ATP13A3: variants seen among roughly 807,000 people sequenced by gnomAD.
ATP13A3 encodes polyamine-transporting ATPase 13A3.
ATP13A3 carries 59 observed loss-of-function variants against 158.1 expected under a neutral mutation model. The observed-to-expected ratio is 0.37, with a 90% CI of 0.30 to 0.46. The LOEUF is 0.46. Among genes scored for constraint, ATP13A3 ranks in the 20% least tolerant of loss-of-function variants. ATP13A3 has a pLI of 1.00. For synonymous variants in ATP13A3, 491 were observed against 504.3 expected (o/e 0.97, Z 0.35); for missense variants, 1,166 against 1,525.2 (o/e 0.76, Z 3.92).
chr3:194,441,598 C>A, intron 15 of ATP13A3, 137 bp from the exon 16 acceptor site: 1 of 759,100 alleles, frequency 1.3e-6, no homozygotes, highest in Non-Finnish European at 2.0e-6. Context: ...GAGAAACTGT[C>A]AAGTGTCAGA....
At chr3:194,441,258 T>C in intron 16 of ATP13A3, 53 bp downstream of exon 16, 1 of 1,438,378 alleles carries the variant, frequency 7.0e-7, no homozygotes, top group Non-Finnish European at 9.6e-7. Flanking sequence ...GGTAATTTAA[T>C]TTTTAACTAT....
chr3:194,417,715 G>T (rs562551211), intron 31 of ATP13A3, among the ~76,000 whole-genome samples: 1 of 152,180 alleles, frequency 6.6e-6, no homozygotes, highest in African/African-American at 2.4e-5. Context: ...GAGGCAGGAG[G>T]ATCACTTGAG....
chr3:194,441,207 G>A (rs1718030043), intron 16 of ATP13A3, 104 bp downstream of exon 16: 1 of 901,870 alleles, frequency 1.1e-6, no homozygotes, highest in Admixed American at 2.6e-5. Context: ...GTACAAGATA[G>A]ACTGTCATTA....
chr3:194,469,430 C>T (rs185144869), intron 2 of ATP13A3, among the ~76,000 whole-genome samples: 8 of 151,808 alleles, frequency 5.3e-5, no homozygotes, highest in African/African-American at 1.7e-4. Flanking sequence ...CACTGCACTC[C>T]GGCCTGGGAA....
chr3:194,462,935 T>C (rs561396903), intron 2 of ATP13A3, among the ~76,000 whole-genome samples: 16 of 152,230 alleles, frequency 1.1e-4, no homozygotes, highest in Non-Finnish European at 2.1e-4. Flanking sequence ...TCTTCCTTTT[T>C]CATTCCACAG....
Position 194,441,441 on chromosome 3 carries a change from T to A in ATP13A3, c.1580A>T (p.Asn527Ile), listed in dbSNP as rs528612672. Reference sequence around the variant, plus strand: ...TTTTACCAACATCTCATTGCACACATTTTCTTCTGGTGAAAGAAATCTAAG... The same window carrying A: ...TTTTACCAACATCTCATTGCACACAATTTCTTCTGGTGAAAGAAATCTAAG... ...ENARFLSPEENVCNEMLVKSQ... is the reference protein window; with the variant it reads ...ENARFLSPEEIVCNEMLVKSQ... The change falls in exon 16 of 34, where the codon AAT (asparagine) becomes ATT (isoleucine). Residue 527 changes from asparagine (N) to isoleucine (I), a missense_variant. Asn to Ile is a moderately radical substitution (Grantham distance 149, BLOSUM62 -3). Coordinates refer to ENST00000645319, the MANE Select transcript of ATP13A3 (RefSeq NM_001367549.1). The A allele has an allele frequency of 2.5e-6, 4 of 1,613,288 alleles. No individual in the cohort carries two copies. The African/African-American group carries it at 5.3e-5, about 22-fold the overall frequency.
intron 20 of ATP13A3, 59 bp downstream of exon 20, chr3:194,437,036 T>C (rs959253073): frequency 1.5e-5 from 24 of 1,555,846 alleles, no homozygotes; most frequent in African/African-American, 4.1e-5. Context: ...TTACTGTGCA[T>C]GACTAATATA....
intron 8 of ATP13A3, 123 bp from the exon 9 acceptor site, chr3:194,454,515 C>T (rs779330774): frequency 7.0e-5 from 77 of 1,099,456 alleles, no homozygotes; most frequent in Non-Finnish European, 9.1e-5. Context: ...TAGTATTCTA[C>T]GGCAAAATGT....
intron 13 of ATP13A3, 56 bp from the exon 14 acceptor site, chr3:194,447,171 A>G: frequency 1.4e-6 from 2 of 1,431,778 alleles, no homozygotes; most frequent in South Asian, 2.5e-5. Context: ...CGGATTTAAT[A>G]TGGGTATTTC....
intron 2 of ATP13A3, among the ~76,000 whole-genome samples, chr3:194,478,293 C>T (rs1720610059): frequency 6.6e-6 from 1 of 151,246 alleles, no homozygotes; most frequent in South Asian, 2.1e-4. Context: ...GTAGGCTAGA[C>T]AAATAAGTAA....
chr3:194,446,180 T>C (rs1301154847), intron 14 of ATP13A3, among the ~76,000 whole-genome samples: 1 of 152,196 alleles, frequency 6.6e-6, no homozygotes, highest in Non-Finnish European at 1.5e-5. Flanking sequence ...ATAAGAAATA[T>C]AGCATGTCCT....
chr3:194,453,520 G>A (rs374397374), intron 10 of ATP13A3, among the ~76,000 whole-genome samples, 186 bp downstream of exon 10: 47 of 152,216 alleles, frequency 3.1e-4, no homozygotes, highest in African/African-American at 1.1e-3. Context: ...GATTACTTGA[G>A]TCTGGGAGGT....
chr3:194,433,137 A>G (rs1315449632), intron 21 of ATP13A3, among the ~76,000 whole-genome samples: 4 of 152,074 alleles, frequency 2.6e-5, no homozygotes, highest in African/African-American at 9.7e-5. Context: ...TCTACAAATA[A>G]CACAAGGTAC....
rs780667474 is a variant in ATP13A3, at chr3:194,431,033, T to G, written c.2545-11A>C. 12 of 1,613,350 alleles carry G rather than the reference T, an allele frequency of 7.4e-6. No individual in the cohort carries two copies. The South Asian group carries it at 1.1e-4, about 15-fold the overall frequency. On this transcript the variant is annotated splice_polypyrimidine_tract_variant and intron_variant, in intron 23 of 33. Coordinates refer to ENST00000645319, the MANE Select transcript of ATP13A3 (RefSeq NM_001367549.1). ...GCCATGCAACATCAACTGGAAACAATAATACAAATTTTTTTAAAATACTGT... is the reference window on the plus strand; with the variant it reads ...GCCATGCAACATCAACTGGAAACAAGAATACAAATTTTTTTAAAATACTGT...
At chr3:194,464,017 C>T (rs986763114) in intron 2 of ATP13A3, among the ~76,000 whole-genome samples, 1 of 152,050 alleles carries the variant, frequency 6.6e-6, no homozygotes, top group Non-Finnish European at 1.5e-5. Flanking sequence ...AAAAATTAGC[C>T]GGGCATGATG....
chr3:194,471,828 T>C (rs940297208), intron 2 of ATP13A3: 1 of 152,190 alleles, frequency 6.6e-6, no homozygotes, highest in African/African-American at 2.4e-5. Context: ...CGAGCAACAG[T>C]GTAGTGGCCT....
chr3:194,453,745 G>C lies in ATP13A3; in HGVS notation c.799C>G (p.His267Asp). The change falls in exon 10 of 34, where the codon CAT becomes GAT. Residue 267 changes from histidine to aspartate, a missense_variant. Physicochemically the swap from His to Asp is moderately conservative, Grantham distance 81. This residue lies in a region of ATP13A3 where 997 missense variants were observed against 1,341.2 expected (regional missense o/e 0.74). Coordinates refer to ENST00000645319, the MANE Select transcript of ATP13A3 (RefSeq NM_001367549.1). Reference sequence around the variant, plus strand: ...CAAACTGAAACTCTTACGGTACTATGAGTTGCCACCATGTCATGCAACATA... The same window carrying C: ...CAAACTGAAACTCTTACGGTACTATCAGTTGCCACCATGTCATGCAACATA... ...YVMLHDMVAT[H>D]STVRVSVCRV... 1.9e-6 allele frequency: 3 copies of C among 1,613,674 alleles called. No homozygotes were observed. Among genetic ancestry groups the C allele is most frequent in the Non-Finnish European group, 2.5e-6 (3 of 1,179,738 alleles).
chr3:194,424,432 C>T (rs1425093172), intron 30 of ATP13A3: 1 of 151,796 alleles, frequency 6.6e-6, no homozygotes, highest in African/African-American at 2.4e-5. Context: ...TAAAACTTGC[C>T]CTACAAACCA....
rs1560096711 is a variant in ATP13A3, at chr3:194,448,217, G to A, written c.1151-208C>T. ...CTCAGCCTCCCGAGTAGCTGGGACT[G>A]CAGGCGCCCGCCACCAGGCCCGGCT... is the stretch of plus-strand genomic sequence containing the variant. On this transcript the variant is annotated intron_variant, in intron 12 of 33. Transcript: ENST00000645319. The surrounding 1 kb of genome is among the most constrained non-coding windows in gnomAD (Gnocchi z 4.0). Among the ~76,000 whole-genome samples, 1 of 151,852 alleles carries A rather than the reference G, an allele frequency of 6.6e-6. No individual in the cohort carries two copies. The highest frequency in any genetic ancestry group is 1.5e-5 in the Non-Finnish European group (1 of 67,976).
Sources: allele counts gnomAD v4.1 joint callset (sites outside exome capture counted in the v4.1 genomes callset), GRCh38; gene constraint gnomAD v4.1.1; regional missense constraint gnomAD v4.1.1; non-coding constraint Gnocchi (gnomAD v3.1); transcripts MANE v1.5; gene names NCBI Gene and HGNC (gene_info 2026-07-23, HGNC 2026-07-21).